ISM1: variants seen among roughly 807,000 people sequenced by gnomAD.
ISM1 encodes isthmin-1.
A neutral mutation model predicts 46.3 loss-of-function variants in ISM1; 25 were observed. That is an observed-to-expected ratio of 0.54 (90% confidence interval 0.39 to 0.75). The LOEUF is 0.75. Among genes scored for constraint, ISM1 ranks in the 30% least tolerant of loss-of-function variants. ISM1 has a pLI of 0.00. For synonymous variants in ISM1, 255 were observed against 256.7 expected (o/e 0.99, Z 0.06); for missense variants, 536 against 625.4 (o/e 0.86, Z 1.52).
intron 1 of ISM1, among the ~76,000 whole-genome samples, chr20:13,245,916 C>A (rs894764288): frequency 6.6e-6 from 1 of 152,184 alleles, no homozygotes; most frequent in African/African-American, 2.4e-5. Context: ...CTTGTACCCG[C>A]CCACTCCGAT....
intron 2 of ISM1, 79 bp from the exon 3 acceptor site, chr20:13,279,555 C>A: frequency 4.2e-6 from 6 of 1,416,672 alleles, no homozygotes; most frequent in Non-Finnish European, 5.8e-6. Context: ...CCTCTGCCCT[C>A]TCAGACTTTC....
At chr20:13,306,250 T>TA in the ISM1 span, among the ~76,000 whole-genome samples, 1 of 152,154 alleles carries the variant, frequency 6.6e-6, no homozygotes, top group Non-Finnish European at 1.5e-5. Context: ...GCCTGACTTT[T>TA]AAAAAAGAAA....
intron 1 of ISM1, among the ~76,000 whole-genome samples, chr20:13,267,339 T>C (rs774944307): frequency 6.6e-6 from 1 of 152,186 alleles, no homozygotes. Flanking sequence ...GATGGAGAAA[T>C]GCCACAGTTG....
chr20:13,254,430 G>C (rs1363679475), intron 1 of ISM1, among the ~76,000 whole-genome samples: 2 of 151,988 alleles, frequency 1.3e-5, no homozygotes, highest in Non-Finnish European at 2.9e-5. Flanking sequence ...TTCAGAATCA[G>C]AATTGAATTC....
chr20:13,293,001 C>T (rs1251149734), intron 5 of ISM1, among the ~76,000 whole-genome samples: 1 of 151,888 alleles, frequency 6.6e-6, no homozygotes, highest in African/African-American at 2.4e-5. Context: ...TCAAGACCAT[C>T]CTGACTAACA....
At chr20:13,264,187 T>C (rs377746000) in intron 1 of ISM1, among the ~76,000 whole-genome samples, 16 of 152,322 alleles carry the variant, frequency 1.1e-4, no homozygotes, top group African/African-American at 3.8e-4. Flanking sequence ...TTCTTTGCCT[T>C]TCAGAAATTT....
chr20:13,229,540 A>G (rs35637805), intron 1 of ISM1, among the ~76,000 whole-genome samples: 34,316 of 152,018 alleles, frequency 0.23, 3,899 homozygotes, highest in South Asian at 0.29. Context: ...CCACTGTGTA[A>G]CTCTATCACA....
chr20:13,225,538 T>C (rs1034614736), intron 1 of ISM1, among the ~76,000 whole-genome samples: 3 of 152,186 alleles, frequency 2.0e-5, no homozygotes, highest in African/African-American at 7.2e-5. Flanking sequence ...TGACTCTTTG[T>C]ATGACTGTCT....
At chr20:13,225,098 C>T (rs1381811076) in intron 1 of ISM1, among the ~76,000 whole-genome samples, 2 of 151,880 alleles carry the variant, frequency 1.3e-5, no homozygotes, top group African/African-American at 2.4e-5. Flanking sequence ...CATGATCCGC[C>T]CGCCTTGGCC....
At chr20:13,294,736 A>T (rs1384616425) in intron 5 of ISM1, among the ~76,000 whole-genome samples, 2 of 152,200 alleles carry the variant, frequency 1.3e-5, no homozygotes, top group Non-Finnish European at 2.9e-5. Flanking sequence ...CCACAGCCAC[A>T]GCCTATCCCA....
At chr20:13,269,854 G>A (rs1215300900) in intron 1 of ISM1, among the ~76,000 whole-genome samples, 1 of 152,066 alleles carries the variant, frequency 6.6e-6, no homozygotes, top group African/African-American at 2.4e-5. Context: ...TAGGTCTCAT[G>A]TCTATCCTGT....
the ISM1 span, among the ~76,000 whole-genome samples, chr20:13,306,879 G>T: frequency 6.6e-6 from 1 of 152,136 alleles, no homozygotes; most frequent in Non-Finnish European, 1.5e-5. Context: ...GGCTACAGAG[G>T]ACAGAATCTC....
chr20:13,292,701 G>A (rs1289533844), intron 5 of ISM1, among the ~76,000 whole-genome samples: 1 of 152,086 alleles, frequency 6.6e-6, no homozygotes, highest in Non-Finnish European at 1.5e-5. Flanking sequence ...AGCCTTCACA[G>A]CCAGAGGCAG....
At chr20:13,326,344 G>A in the ISM1 span, among the ~76,000 whole-genome samples, 155 of 152,224 alleles carry the variant, frequency 1.0e-3, 3 homozygotes, top group African/African-American at 3.4e-3. Flanking sequence ...GAGTGGGACC[G>A]TTGGGTCATG....
At chr20:13,297,034 C>G (rs1386411251) in intron 5 of ISM1, among the ~76,000 whole-genome samples, 1 of 147,524 alleles carries the variant, frequency 6.8e-6, no homozygotes, top group East Asian at 2.1e-4. Context: ...GCCTCACCCC[C>G]CGCCAAAAAA....
At chr20:13,298,907 A>C in intron 5 of ISM1, 35 bp from the exon 6 acceptor site, 1 of 1,603,048 alleles carries the variant, frequency 6.2e-7, no homozygotes, top group South Asian at 1.1e-5. Flanking sequence ...CCGGTTGTAC[A>C]CGCGGTGAGA....
the ISM1 span, among the ~76,000 whole-genome samples, chr20:13,311,865 A>G: frequency 6.6e-6 from 1 of 152,206 alleles, no homozygotes; most frequent in African/African-American, 2.4e-5. Flanking sequence ...CTGGAGATTT[A>G]TTGTACAGCA....
intron 1 of ISM1, among the ~76,000 whole-genome samples, chr20:13,254,823 C>T (rs1237067523): frequency 3.3e-5 from 5 of 152,306 alleles, no homozygotes; most frequent in African/African-American, 4.8e-5. Flanking sequence ...ACACATGGTT[C>T]GAGAGATGTA....
In ISM1 at chr20:13,270,597, C is replaced by A. The variant is rs758339741; in HGVS notation, c.232C>A (p.His78Asn). The A allele has an allele frequency of 6.2e-7, 1 of 1,613,986 alleles. No individual in the cohort carries two copies. The highest frequency in any genetic ancestry group is 2.2e-5 in the East Asian group (1 of 44,892). The stretch of plus-strand genomic sequence containing the variant: ...GGAGCATCTGGACCACCAGGCTGCA[C>A]ACCAACCCTTCCCCAGACCGCGATT... ...PREHLDHQAA[H>N]QPFPRPRFRQ... The change falls in exon 2 of 6, where the codon CAC (histidine) becomes AAC (asparagine). Residue 78 changes from histidine (H) to asparagine (N), a missense_variant. Around this residue, in one of 2 missense-constraint regions of ISM1, gnomAD observed 367 missense variants for 376.1 expected, o/e 0.98. Coordinates refer to ENST00000262487, the MANE Select transcript of ISM1 (RefSeq NM_080826.2).
Sources: gnomAD v4.1 joint callset for allele counts (sites outside exome capture counted in the v4.1 genomes callset) on GRCh38, gnomAD v4.1.1 for gene constraint, gnomAD v4.1.1 regional missense constraint, MANE v1.5 for transcripts, NCBI Gene and HGNC (gene_info 2026-07-23, HGNC 2026-07-21) for gene names.